Variants in CDH13 observed in about 807,000 individuals in gnomAD.
The protein encoded by CDH13 is cadherin-13.
CDH13 carries 24 observed loss-of-function variants against 63.8 expected under a neutral mutation model. The observed-to-expected ratio is 0.38, with a 90% CI of 0.27 to 0.53. The LOEUF (loss-of-function observed/expected upper bound fraction) is 0.53. Among genes scored for constraint, CDH13 ranks in the 20% least tolerant of loss-of-function variants. The probability of loss-of-function intolerance (pLI) is 0.85; values close to 1 mark genes in which losing one functional copy is unlikely to be tolerated. For missense variants in CDH13, 1,049 were observed against 903.1 expected (o/e 1.16, Z -2.07); for synonymous variants, 503 against 355.3 (o/e 1.42, Z -4.67).
intron 5 of CDH13, among the ~76,000 whole-genome samples, chr16:83,237,617 T>C (rs1462002933): frequency 6.6e-6 from 1 of 152,242 alleles, no homozygotes; most frequent in African/African-American, 2.4e-5. Flanking sequence ...TTGGAAAGCA[T>C]AGGTTTTGAA....
intron 4 of CDH13, among the ~76,000 whole-genome samples, chr16:83,211,320 T>C (rs2039331682): frequency 6.6e-6 from 1 of 152,162 alleles, no homozygotes; most frequent in African/African-American, 2.4e-5. Context: ...GGGAACTCTG[T>C]AGTATCTTTG....
At chr16:82,930,887 T>G (rs1303241173) in intron 2 of CDH13, among the ~76,000 whole-genome samples, 2 of 152,208 alleles carry the variant, frequency 1.3e-5, no homozygotes, top group Non-Finnish European at 2.9e-5. Flanking sequence ...CCAAATTAGA[T>G]TAAAATCCTG....
chr16:83,466,523 G>T (rs149648108), intron 6 of CDH13, among the ~76,000 whole-genome samples: 20 of 152,328 alleles, frequency 1.3e-4, no homozygotes, highest in African/African-American at 4.8e-4. Context: ...CAAACATCAT[G>T]CAATTTATAT....
intron 4 of CDH13, among the ~76,000 whole-genome samples, chr16:83,167,843 A>G (rs1039591245): frequency 1.3e-5 from 2 of 152,128 alleles, no homozygotes; most frequent in Admixed American, 6.6e-5. Context: ...AACGTGGTAC[A>G]TATGTATCAT....
intron 1 of CDH13, among the ~76,000 whole-genome samples, chr16:82,653,335 C>CA (rs1345123846): frequency 2.6e-5 from 4 of 151,766 alleles, no homozygotes; most frequent in Non-Finnish European, 5.9e-5. Flanking sequence ...GTATTTTACA[C>CA]AAAAAAATAA....
intron 5 of CDH13, among the ~76,000 whole-genome samples, chr16:83,321,599 G>A (rs2151894881): frequency 7.5e-6 from 1 of 134,172 alleles, no homozygotes; most frequent in South Asian, 2.4e-4. Context: ...CGCAATCTTG[G>A]CTCACTGCCA....
intron 2 of CDH13, among the ~76,000 whole-genome samples, chr16:82,881,295 G>A (rs1186183730): frequency 1.3e-5 from 2 of 152,104 alleles, no homozygotes; most frequent in African/African-American, 4.8e-5. Context: ...GACCTCAGAT[G>A]AGGATTGGTG....
At chr16:83,713,440 G>A (rs1228507868) in intron 10 of CDH13, among the ~76,000 whole-genome samples, 1 of 151,870 alleles carries the variant, frequency 6.6e-6, no homozygotes, top group Non-Finnish European at 1.5e-5. Flanking sequence ...GGGGAGGGAG[G>A]GAGATTTTGA....
At chr16:82,743,920 T>G (rs754517209) in intron 1 of CDH13, among the ~76,000 whole-genome samples, 1 of 152,242 alleles carries the variant, frequency 6.6e-6, no homozygotes, top group Non-Finnish European at 1.5e-5. Context: ...GTTATAGTGA[T>G]TAATTGATTT....
intron 9 of CDH13, among the ~76,000 whole-genome samples, chr16:83,677,810 C>G (rs1014078805): frequency 6.6e-6 from 1 of 151,962 alleles, no homozygotes; most frequent in African/African-American, 2.4e-5. Flanking sequence ...GTTACAGGTT[C>G]CAGGCAGGGA....
chr16:83,645,776 C>A (rs1391157447), intron 8 of CDH13, among the ~76,000 whole-genome samples: 5 of 152,012 alleles, frequency 3.3e-5, no homozygotes, highest in Non-Finnish European at 1.5e-5. Flanking sequence ...GCAGGGAAAA[C>A]AGGAGGAGAG....
intron 2 of CDH13, among the ~76,000 whole-genome samples, chr16:82,967,784 T>C (rs1325827253): frequency 1.3e-5 from 2 of 152,238 alleles, no homozygotes; most frequent in Non-Finnish European, 2.9e-5. Flanking sequence ...TTTGTGTCCT[T>C]ACTGGTGACA....
chr16:83,195,452 A>G (rs1023768289), intron 4 of CDH13, among the ~76,000 whole-genome samples: 3 of 152,122 alleles, frequency 2.0e-5, no homozygotes, highest in African/African-American at 7.2e-5. Flanking sequence ...AGCATGGCAG[A>G]AGGCAAAGTG....
intron 1 of CDH13, among the ~76,000 whole-genome samples, chr16:82,719,204 T>C (rs35470689): frequency 0.13 from 20,472 of 152,090 alleles, 1,729 homozygotes; most frequent in East Asian, 0.4. Context: ...AAGCTCTGGG[T>C]CCCATTCTCA....
At chr16:82,704,568 C>T (rs938489243) in intron 1 of CDH13, among the ~76,000 whole-genome samples, 5 of 152,130 alleles carry the variant, frequency 3.3e-5, no homozygotes, top group African/African-American at 1.2e-4. Context: ...TTGGTGCTGT[C>T]CAAGGTGGGT....
intron 8 of CDH13, among the ~76,000 whole-genome samples, chr16:83,625,584 A>G (rs892973270): frequency 6.6e-6 from 1 of 152,174 alleles, no homozygotes; most frequent in African/African-American, 2.4e-5. Flanking sequence ...ACTGCAGAAA[A>G]CAAGTTATTT....
intron 7 of CDH13, among the ~76,000 whole-genome samples, chr16:83,505,209 C>G (rs1423620006): frequency 6.6e-6 from 1 of 152,220 alleles, no homozygotes; most frequent in Non-Finnish European, 1.5e-5. Context: ...GCTTCCCCTC[C>G]CATTGTACCC....
At chr16:83,433,956 T>A (rs2072207361) in intron 6 of CDH13, among the ~76,000 whole-genome samples, 2 of 152,120 alleles carry the variant, frequency 1.3e-5, no homozygotes, top group Admixed American at 1.3e-4. Flanking sequence ...GGGGAATCAA[T>A]CTTTTCTATT....
chr16:83,296,500 C>G (rs1305970010), intron 5 of CDH13, among the ~76,000 whole-genome samples: 1 of 152,100 alleles, frequency 6.6e-6, no homozygotes, highest in African/African-American at 2.4e-5. Flanking sequence ...AGACAGGAGA[C>G]TAGGAAATGG....
Sources: gnomAD v4.1 joint callset for allele counts (sites outside exome capture counted in the v4.1 genomes callset) on GRCh38, gnomAD v4.1.1 for gene constraint, MANE v1.5 for transcripts, NCBI Gene and HGNC (gene_info 2026-07-23, HGNC 2026-07-21) for gene names.